The following RGS7 variants were observed in gnomAD, a reference collection of about 807,000 sequenced individuals.
The protein encoded by RGS7 is regulator of G protein signaling 7.
RGS7 carries 27 observed loss-of-function variants against 81.1 expected under a neutral mutation model. The observed-to-expected ratio is 0.33, with a 90% CI of 0.25 to 0.46. The LOEUF is 0.46. Among genes scored for constraint, RGS7 ranks in the 20% least tolerant of loss-of-function variants. The probability of loss-of-function intolerance (pLI) is 1.00; values close to 1 mark genes in which losing one functional copy is unlikely to be tolerated. For missense variants in RGS7, 396 were observed against 607.4 expected, an observed-to-expected ratio of 0.65 and a Z score of 3.66; for synonymous variants, 208 against 207.7, an observed-to-expected ratio of 1.00 and a Z score of -0.01.
intron 3 of RGS7, among the ~76,000 whole-genome samples, chr1:241,063,043 G>T (rs1409685815): frequency 3.3e-5 from 5 of 152,152 alleles, no homozygotes; most frequent in African/African-American, 1.2e-4. Context: ...AGTCTGAGGT[G>T]TTCATTTCAA....
Position 240,792,726 on chromosome 1 carries a change from G to A in RGS7, c.*6+7915C>T, listed in dbSNP as rs137928807. Among the ~76,000 whole-genome samples, 19 of 152,312 alleles carry A rather than the reference G, an allele frequency of 1.2e-4. No individual in the cohort carries two copies. In the East Asian group the frequency reaches 3.5e-3, roughly 28 times the overall value. On this transcript the variant is annotated intron_variant, in intron 18 of 18. Coordinates refer to ENST00000440928, the MANE Select transcript of RGS7 (RefSeq NM_001364886.1). ...TGTTCACTGAACAGTTAACTTGCATGAGCAGAATGAACCAACTCAGGTGCA... is the reference window on the plus strand; with the variant it reads ...TGTTCACTGAACAGTTAACTTGCATAAGCAGAATGAACCAACTCAGGTGCA...
intron 6 of RGS7, among the ~76,000 whole-genome samples, chr1:240,908,349 AAAATT>A (rs757806746): frequency 1.1e-4 from 17 of 152,316 alleles, no homozygotes; most frequent in Middle Eastern, 3.4e-3. Context: ...AAGCATAATA[AAAATT>A]AAATTAAATT....
intron 3 of RGS7, among the ~76,000 whole-genome samples, chr1:241,095,907 C>T (rs900297381): frequency 1.3e-5 from 2 of 152,176 alleles, no homozygotes; most frequent in Middle Eastern, 3.2e-3. Context: ...ACATCTCTCC[C>T]TGTAAGTTTC....
rs2081129745 is a variant in RGS7, at chr1:241,320,204, C to A, written c.78+35495G>T. 2.6e-5 allele frequency among the ~76,000 whole-genome samples: 4 copies of A among 152,258 alleles called. No individual in the cohort carries two copies. The East Asian group carries it at 5.8e-4, about 22-fold the overall frequency. Reference sequence around the variant, plus strand: ...CTGAAGCATCATGCTAATTCCAACTCTGTGCCCTAATAGGTGCTGTTGCTG... The same window carrying A: ...CTGAAGCATCATGCTAATTCCAACTATGTGCCCTAATAGGTGCTGTTGCTG... On this transcript the variant is annotated intron_variant, in intron 2 of 18. Transcript: ENST00000440928.
At chr1:241,225,219 T>C (rs1001661596) in intron 2 of RGS7, among the ~76,000 whole-genome samples, 1 of 152,148 alleles carries the variant, frequency 6.6e-6, no homozygotes, top group Non-Finnish European at 1.5e-5. Context: ...GTACACATTA[T>C]TTCACTCCCA....
At chr1:240,926,353 G>T (rs1312217513) in intron 6 of RGS7, among the ~76,000 whole-genome samples, 1 of 152,132 alleles carries the variant, frequency 6.6e-6, no homozygotes, top group Non-Finnish European at 1.5e-5. Flanking sequence ...TCATTCTTCT[G>T]CATGTGGCTA....
intron 2 of RGS7, among the ~76,000 whole-genome samples, chr1:241,109,367 C>A (rs920837409): frequency 1.1e-4 from 17 of 152,088 alleles, no homozygotes; most frequent in African/African-American, 3.9e-4. Context: ...CTCTCTCATC[C>A]CAACAGAATA....
At chr1:241,067,684 T>C (rs113934768) in intron 3 of RGS7, among the ~76,000 whole-genome samples, 3,860 of 151,942 alleles carry the variant, frequency 0.025, 146 homozygotes, top group African/African-American at 0.075. Context: ...CCCAGCTAAT[T>C]TTTTATTTTT....
At chr1:241,194,186 G>C (rs997248293) in intron 2 of RGS7, among the ~76,000 whole-genome samples, 7 of 151,528 alleles carry the variant, frequency 4.6e-5, no homozygotes, top group African/African-American at 1.7e-4. Context: ...ACTTAATTTT[G>C]TCTACATTTT....
At chr1:241,066,056 G>A (rs761094306) in intron 3 of RGS7, among the ~76,000 whole-genome samples, 1 of 152,170 alleles carries the variant, frequency 6.6e-6, no homozygotes, top group Non-Finnish European at 1.5e-5. Flanking sequence ...TGGAAGTTAA[G>A]TGTAGCATAA....
intron 2 of RGS7, among the ~76,000 whole-genome samples, chr1:241,155,785 G>A (rs952112248): frequency 2.0e-5 from 3 of 152,034 alleles, no homozygotes; most frequent in African/African-American, 7.2e-5. Flanking sequence ...ACTGAACACT[G>A]GGTTTCAAGT....
At chr1:240,914,259 T>C (rs72756852) in intron 6 of RGS7, among the ~76,000 whole-genome samples, 1,840 of 152,202 alleles carry the variant, frequency 0.012, 20 homozygotes, top group Admixed American at 0.039. Flanking sequence ...TGGTAGAAAA[T>C]GTATAAAGTT....
intron 2 of RGS7, among the ~76,000 whole-genome samples, chr1:241,165,495 T>C (rs906190376): frequency 6.6e-6 from 1 of 151,624 alleles, no homozygotes; most frequent in African/African-American, 2.4e-5. Flanking sequence ...ATGGATGAAA[T>C]TGGAAATCAT....
chr1:241,049,509 G>A (rs549014021), intron 3 of RGS7, among the ~76,000 whole-genome samples: 1 of 152,250 alleles, frequency 6.6e-6, no homozygotes, highest in South Asian at 2.1e-4. Flanking sequence ...CTTTCCTCAT[G>A]ACTTTGCTAC....
At chr1:241,283,714 T>C (rs2078646402) in intron 2 of RGS7, among the ~76,000 whole-genome samples, 1 of 152,174 alleles carries the variant, frequency 6.6e-6, no homozygotes, top group Admixed American at 6.5e-5. Context: ...TGTTTTTCTA[T>C]CCAACCTCTT....
At chr1:241,249,837 G>A (rs1487032174) in intron 2 of RGS7, among the ~76,000 whole-genome samples, 2 of 152,060 alleles carry the variant, frequency 1.3e-5, no homozygotes, top group Non-Finnish European at 2.9e-5. Context: ...CTTATCACTT[G>A]AGAAGATAGA....
chr1:240,930,643 G>A, intron 6 of RGS7, 74 bp downstream of exon 6: 1 of 1,346,402 alleles, frequency 7.4e-7, no homozygotes, highest in Non-Finnish European at 1.1e-6. Flanking sequence ...AATGAAAAAA[G>A]CAATAAAACG....
chr1:241,134,442 T>G (rs1322454495), intron 2 of RGS7, among the ~76,000 whole-genome samples: 4 of 152,222 alleles, frequency 2.6e-5, no homozygotes, highest in Non-Finnish European at 4.4e-5. Flanking sequence ...CACCTACATA[T>G]GTATATAAAA....
At chr1:240,843,148 A>G (rs2147889998) in intron 9 of RGS7, among the ~76,000 whole-genome samples, 2 of 152,194 alleles carry the variant, frequency 1.3e-5, no homozygotes, top group Non-Finnish European at 2.9e-5. Flanking sequence ...CTCGGGCACA[A>G]GAGCGAAACT....
Sources: allele counts gnomAD v4.1 joint callset (sites outside exome capture counted in the v4.1 genomes callset), GRCh38; gene constraint gnomAD v4.1.1; transcripts MANE v1.5; gene names NCBI Gene and HGNC (gene_info 2026-07-23, HGNC 2026-07-21).